RBM15: variants seen among roughly 807,000 people sequenced by gnomAD.
The protein encoded by RBM15 is RNA binding motif protein 15.
RBM15 carries 8 observed loss-of-function variants against 62.6 expected under a neutral mutation model. That is an observed-to-expected ratio of 0.13 (90% confidence interval 0.07 to 0.23). The LOEUF (loss-of-function observed/expected upper bound fraction) is 0.23, where lower values mean the gene tolerates loss of function less well. RBM15 is among the 10% of genes least tolerant of loss of function. The probability of loss-of-function intolerance (pLI) is 1.00; values close to 1 mark genes in which losing one functional copy is unlikely to be tolerated. For synonymous variants in RBM15, 606 were observed against 505.7 expected, an observed-to-expected ratio of 1.20 and a Z score of -2.66; for missense variants, 1,144 against 1,286.5, an observed-to-expected ratio of 0.89 and a Z score of 1.69.
intron 1 of RBM15, 36 bp downstream of exon 1, chr1:110,342,304 T>TACTTTG (rs370076418): frequency 2.7e-6 from 4 of 1,490,492 alleles, no homozygotes; most frequent in African/African-American, 2.8e-5. Context: ...TTGTATTTAC[T>TACTTTG]ACTTTGACAT....
At position 110,341,717 on chromosome 1, in the gene RBM15, A is replaced by T. The variant is rs1660802661; in HGVS notation, c.2312A>T (p.Asp771Val). 1 of 1,614,036 alleles carries T rather than the reference A, an allele frequency of 6.2e-7. No homozygotes were observed. Among genetic ancestry groups the T allele is most frequent in the South Asian group, 1.1e-5 (1 of 91,090 alleles). The change falls in exon 1 of 3, where the codon GAT (aspartate) becomes GTT (valine). Residue 771 changes from aspartate (D) to valine (V), a missense_variant. By Grantham distance (152) the Asp-to-Val change is radical. Around this residue, in one of 8 missense-constraint regions of RBM15, gnomAD observed 360 missense variants for 342.9 expected, o/e 1.05. Coordinates refer to ENST00000369784, the MANE Select transcript of RBM15 (RefSeq NM_022768.5). This position sits in a 1 kb window ranked among gnomAD's most constrained non-coding sequence, Gnocchi z 4.5. Reference sequence around the variant, plus strand: ...CTGAAGTCCCCGTCCCAGAAACAGGATGGGGGGACAGCCCCTGTGGCATCA... The same window carrying T: ...CTGAAGTCCCCGTCCCAGAAACAGGTTGGGGGGACAGCCCCTGTGGCATCA... The part of the protein sequence containing the change: ...SKLKSPSQKQ[D>V]GGTAPVASAS...
In RBM15 at chr1:110,340,859, A is replaced by G. The variant is rs1272783252; in HGVS notation, c.1454A>G (p.Asp485Gly). 3.1e-6 allele frequency: 5 copies of G among 1,614,084 alleles called. No individual in the cohort carries two copies. The African/African-American group carries it at 6.7e-5, about 22-fold the overall frequency. ...FDRFGTIRTIDYRKGDSWAYI... is the reference protein window; with the variant it reads ...FDRFGTIRTIGYRKGDSWAYI... ...CGATTTGGCACCATACGCACCATAG[A>G]CTACCGAAAAGGTGATAGTTGGGCA... is the stretch of plus-strand genomic sequence containing the variant. The change falls in exon 1 of 3, where the codon GAC becomes GGC. Residue 485 changes from aspartate (D) to glycine (G), a missense_variant. Around this residue, in one of 8 missense-constraint regions of RBM15, gnomAD observed 105 missense variants for 193.6 expected, o/e 0.54. Transcript: ENST00000369784. This position sits in a 1 kb window ranked among gnomAD's most constrained non-coding sequence, Gnocchi z 5.8.
At position 110,339,507 on chromosome 1, in the gene RBM15, C is replaced by A; in HGVS notation, c.102C>A (p.Leu34=). 1 of 1,597,140 alleles carries A rather than the reference C, an allele frequency of 6.3e-7. No homozygotes were observed. The highest frequency in any genetic ancestry group is 1.1e-5 in the South Asian group (1 of 89,702). ...GCGCGGGGCGGCGGGTTACTCAGCT[C>A]CGCGGAGACGACCTCCGACGACCCG... ...ETSAGRRVTQ[L]RGDDLRRPAT... Residue 34 remains leucine (L), a synonymous_variant, in exon 1 of 3, where the codon CTC becomes CTA. Coordinates refer to ENST00000369784, the MANE Select transcript of RBM15 (RefSeq NM_022768.5).
rs1469804998 is a variant in RBM15 at position 110,341,456 on chromosome 1, A to G, written c.2051A>G (p.Tyr684Cys). The stretch of plus-strand genomic sequence containing the variant: ...GAATTGAGCAGTAGCCGGGATCGTT[A>G]CAACAGCGACAATGATCGATCTTCC... ...SPELSSSRDR[Y>C]NSDNDRSSRL... is the part of the protein sequence containing the mutation. The change falls in exon 1 of 3, where the codon TAC becomes TGC. Residue 684 changes from tyrosine (Y) to cysteine (C), a missense_variant. Physicochemically the swap from Tyr to Cys is radical, Grantham distance 194 (BLOSUM62 -2). Transcript: ENST00000369784. The surrounding 1 kb of genome is among the most constrained non-coding windows in gnomAD (Gnocchi z 4.5). 7 of 1,614,064 alleles carry G rather than the reference A, an allele frequency of 4.3e-6. No individual in the cohort carries two copies. The highest frequency in any genetic ancestry group is 1.3e-5 in the African/African-American group (1 of 74,942).
chr1:110,341,075 C>T lies in RBM15; in HGVS notation c.1670C>T (p.Ala557Val), dbSNP rs144499925. Residue 557 changes from alanine (A) to valine (V), a missense_variant, in exon 1 of 3, where the codon GCA (alanine) becomes GTA (valine). By Grantham distance (64) the Ala-to-Val change is moderately conservative. Transcript: ENST00000369784. The surrounding 1 kb of genome is among the most constrained non-coding windows in gnomAD (Gnocchi z 4.5). ...ELVTDAFGHR[A>V]PDPLRGARDR... is the part of the protein sequence containing the mutation. ...GTGACAGATGCTTTTGGACATCGGG[C>T]ACCAGACCCTTTGAGGGGTGCTCGG... 9.4e-5 allele frequency: 151 copies of T among 1,614,170 alleles called. No homozygotes were observed. In the African/African-American group the frequency reaches 1.8e-3, roughly 19 times the overall value.
chr1:110,340,303 T>C lies in RBM15; in HGVS notation c.898T>C (p.Leu300=). The C allele has an allele frequency of 2.5e-6, 4 of 1,614,172 alleles. No individual in the cohort carries two copies. Among genetic ancestry groups the C allele is most frequent in the Non-Finnish European group, 3.4e-6 (4 of 1,180,030 alleles). ...QRSLSPGGAA[L]GYRDYRLQQL... ...ATCACTTTCCCCTGGTGGCGCTGCT[T>C]TGGGATACAGAGACTACCGGCTGCA... is the stretch of plus-strand genomic sequence containing the variant. Residue 300 remains leucine (L), a synonymous_variant, in exon 1 of 3, where the codon TTG becomes CTG. Coordinates refer to ENST00000369784, the MANE Select transcript of RBM15 (RefSeq NM_022768.5). This position sits in a 1 kb window ranked among gnomAD's most constrained non-coding sequence, Gnocchi z 5.8.
rs1349446924 is a variant in RBM15, at chr1:110,346,672, G to A, written c.*405G>A. The A allele has an allele frequency of 2.9e-6, 1 of 344,200 alleles. No homozygotes were observed. Among genetic ancestry groups the A allele is most frequent in the East Asian group, 4.5e-5 (1 of 22,432 alleles). 21.3% of individuals were successfully genotyped at this position (344,200 alleles called of 1,614,324 possible). On this transcript the variant is annotated 3_prime_UTR_variant, in exon 3 of 3. Transcript: ENST00000369784. ...ATTCTAAATAAATTGTTTCTTTTGA[G>A]GAAAATGTTTTTCTGCCTGGAAGTG... is the stretch of plus-strand genomic sequence containing the variant.
At position 110,339,510 on chromosome 1, in the gene RBM15, C is replaced by G; in HGVS notation, c.105C>G (p.Arg35=). 1.3e-6 allele frequency: 2 copies of G among 1,597,932 alleles called. No individual in the cohort carries two copies. The highest frequency in any genetic ancestry group is 2.2e-5 in the East Asian group (1 of 44,572). The change falls in exon 1 of 3, where the codon CGC becomes CGG. Residue 35 remains arginine, a synonymous_variant. Coordinates refer to ENST00000369784, the MANE Select transcript of RBM15 (RefSeq NM_022768.5). ...CGGGGCGGCGGGTTACTCAGCTCCG[C>G]GGAGACGACCTCCGACGACCCGCAA... ...TSAGRRVTQL[R]GDDLRRPATM...
In RBM15 at chr1:110,341,734, G is replaced by C. The variant is rs776067103; in HGVS notation, c.2329G>C (p.Val777Leu). 1 of 1,614,186 alleles carries C rather than the reference G, an allele frequency of 6.2e-7. No homozygotes were observed. Among genetic ancestry groups the C allele is most frequent in the Non-Finnish European group, 8.5e-7 (1 of 1,180,048 alleles). The stretch of plus-strand genomic sequence containing the variant: ...GAAACAGGATGGGGGGACAGCCCCT[G>C]TGGCATCAGCCTCTCCCAAACTCTG... Reference protein sequence around the residue: ...SQKQDGGTAPVASASPKLCLA... With the variant: ...SQKQDGGTAPLASASPKLCLA... Residue 777 changes from valine (V) to leucine (L), a missense_variant, in exon 1 of 3, where the codon GTG (valine) becomes CTG (leucine). Physicochemically the swap from Val to Leu is conservative, Grantham distance 32 (BLOSUM62 1). Around this residue, in one of 8 missense-constraint regions of RBM15, gnomAD observed 360 missense variants for 342.9 expected, o/e 1.05. Coordinates refer to ENST00000369784, the MANE Select transcript of RBM15 (RefSeq NM_022768.5). This position sits in a 1 kb window ranked among gnomAD's most constrained non-coding sequence, Gnocchi z 4.5.
At chr1:110,344,596 G>A (rs923186214) in intron 1 of RBM15, among the ~76,000 whole-genome samples, 6 of 152,070 alleles carry the variant, frequency 3.9e-5, no homozygotes, top group Non-Finnish European at 8.8e-5. Flanking sequence ...ATTATGTTTA[G>A]TTGGTCATTA....
intron 2 of RBM15, 30 bp from the exon 3 acceptor site, chr1:110,346,278 G>GAA: frequency 6.3e-7 from 1 of 1,594,236 alleles, no homozygotes; most frequent in South Asian, 1.1e-5. Context: ...CATTTGTACT[G>GAA]AATAACCTTT....
rs532219530 is a variant in RBM15, at chr1:110,345,074, C to G, written c.2864-465C>G. Among the ~76,000 whole-genome samples the G allele has an allele frequency of 5.5e-4, 83 of 152,216 alleles. 1 individual carries two copies. The highest frequency in any genetic ancestry group is 1.8e-3 in the African/African-American group (75 of 41,546). ...CACAAAGTTTTAAATTTCTGGTGTA[C>G]TTTGACTCTCAACTGAGAGTGGATA... On this transcript the variant is annotated intron_variant, in intron 1 of 2. Coordinates refer to ENST00000369784, the MANE Select transcript of RBM15 (RefSeq NM_022768.5).
Position 110,341,615 on chromosome 1 carries a change from C to T in RBM15, c.2210C>T (p.Thr737Ile). Residue 737 changes from threonine (T) to isoleucine (I), a missense_variant, in exon 1 of 3, where the codon ACT becomes ATT. By Grantham distance (89) the Thr-to-Ile change is moderately conservative. Transcript: ENST00000369784. The surrounding 1 kb of genome is among the most constrained non-coding windows in gnomAD (Gnocchi z 4.5). ...RDRKHRTTAPTEGKSPLKKED... is the reference protein window; with the variant it reads ...RDRKHRTTAPIEGKSPLKKED... ...AGGAAGCACCGGACAACTGCTCCCA[C>T]TGAGGGAAAAAGCCCTCTGAAAAAA... 2 of 1,614,140 alleles carry T rather than the reference C, an allele frequency of 1.2e-6. No individual in the cohort carries two copies. Among genetic ancestry groups the T allele is most frequent in the Non-Finnish European group, 8.5e-7 (1 of 1,180,022 alleles).
In RBM15 at chr1:110,341,689, A is replaced by G; in HGVS notation, c.2284A>G (p.Lys762Glu). 6.2e-7 allele frequency: 1 copy of G among 1,614,144 alleles called. No homozygotes were observed. The highest frequency in any genetic ancestry group is 2.2e-5 in the East Asian group (1 of 44,874). The change falls in exon 1 of 3, where the codon AAG (lysine) becomes GAG (glutamate). Residue 762 changes from lysine (K) to glutamate (E), a missense_variant. Coordinates refer to ENST00000369784, the MANE Select transcript of RBM15 (RefSeq NM_022768.5). This position sits in a 1 kb window ranked among gnomAD's most constrained non-coding sequence, Gnocchi z 4.5. ...ACCTAGCACCAGCACTGCTTCCTCCAAGCTGAAGTCCCCGTCCCAGAAACA... is the reference window on the plus strand; with the variant it reads ...ACCTAGCACCAGCACTGCTTCCTCCGAGCTGAAGTCCCCGTCCCAGAAACA... ...SAPSTSTASS[K>E]LKSPSQKQDG...
chr1:110,341,743 G>T lies in RBM15; in HGVS notation c.2338G>T (p.Ala780Ser), dbSNP rs1169383800. 6 of 1,614,178 alleles carry T rather than the reference G, an allele frequency of 3.7e-6. No individual in the cohort carries two copies. Among genetic ancestry groups the T allele is most frequent in the Non-Finnish European group, 5.1e-6 (6 of 1,180,038 alleles). ...QDGGTAPVAS[A>S]SPKLCLAWQG... ...TGGGGGGACAGCCCCTGTGGCATCA[G>T]CCTCTCCCAAACTCTGTTTGGCCTG... Residue 780 changes from alanine to serine, a missense_variant, in exon 1 of 3, where the codon GCC (alanine) becomes TCC (serine). Transcript: ENST00000369784. This position sits in a 1 kb window ranked among gnomAD's most constrained non-coding sequence, Gnocchi z 4.5.
chr1:110,344,905 G>T (rs553307474), intron 1 of RBM15, among the ~76,000 whole-genome samples: 15 of 152,252 alleles, frequency 9.9e-5, no homozygotes, highest in African/African-American at 3.1e-4. Context: ...TGACTATTAA[G>T]TATTATTGGT....
chr1:110,342,355 T>G (rs1440225962), intron 1 of RBM15, 87 bp downstream of exon 1: 2 of 1,062,054 alleles, frequency 1.9e-6, no homozygotes, highest in African/African-American at 3.2e-5. Flanking sequence ...CAGCATCAGA[T>G]GCAATTTTCT....
At position 110,344,964 on chromosome 1, in the gene RBM15, A is replaced by C. The variant is rs959008908; in HGVS notation, c.2864-575A>C. ...AGATCACAGCTTCAAATTTTATGGA[A>C]AATTAAGCAAGCAATACCTAGCCAA... On this transcript the variant is annotated intron_variant, in intron 1 of 2. Transcript: ENST00000369784. Among the ~76,000 whole-genome samples, 3 of 152,322 alleles carry C rather than the reference A, an allele frequency of 2.0e-5. No homozygotes were observed. In the South Asian group the frequency reaches 6.2e-4, roughly 32 times the overall value.
rs765781906 is a variant in RBM15, at chr1:110,340,190, A to C, written c.785A>C (p.Asp262Ala). Reference protein sequence around the residue: ...VSRRRSRSPLDKDTYPPSASV... With the variant: ...VSRRRSRSPLAKDTYPPSASV... ...CGGCGCCGCAGCCGCTCCCCTTTAG[A>C]CAAAGATACTTATCCTCCATCAGCC... Residue 262 changes from aspartate to alanine, a missense_variant, in exon 1 of 3, where the codon GAC (aspartate) becomes GCC (alanine). Asp to Ala is a moderately radical substitution (Grantham distance 126, BLOSUM62 -2). Coordinates refer to ENST00000369784, the MANE Select transcript of RBM15 (RefSeq NM_022768.5). This position sits in a 1 kb window ranked among gnomAD's most constrained non-coding sequence, Gnocchi z 5.8. 1 of 1,614,006 alleles carries C rather than the reference A, an allele frequency of 6.2e-7. No individual in the cohort carries two copies. The highest frequency in any genetic ancestry group is 8.5e-7 in the Non-Finnish European group (1 of 1,179,980).
Sources: gnomAD v4.1 joint callset for allele counts (sites outside exome capture counted in the v4.1 genomes callset) on GRCh38, gnomAD v4.1.1 for gene constraint, gnomAD v4.1.1 regional missense constraint, Gnocchi (gnomAD v3.1) non-coding constraint, MANE v1.5 for transcripts, NCBI Gene and HGNC (gene_info 2026-07-23, HGNC 2026-07-21) for gene names.